Variants in PAG1 observed in about 807,000 individuals in gnomAD.
PAG1 encodes the protein phosphoprotein membrane anchor with glycosphingolipid microdomains 1, also known as phosphoprotein associated with glycosphingolipid-enriched microdomains 1.
PAG1 carries 23 observed loss-of-function variants against 31.7 expected under a neutral mutation model. That is an observed-to-expected ratio of 0.73 (90% CI 0.52 to 1.03). The LOEUF is 1.03. PAG1 is among the 50% of genes least tolerant of loss of function. The pLI is 0.00. For missense variants in PAG1, 473 were observed against 540.7 expected (o/e 0.87, Z 1.24); for synonymous variants, 214 against 210.3 (o/e 1.02, Z -0.15).
At chr8:81,067,794 C>T (rs1430137331) in intron 2 of PAG1, 1 of 152,220 alleles carries the variant, frequency 6.6e-6, no homozygotes, top group Non-Finnish European at 1.5e-5. Context: ...AAATGAATCC[C>T]ATTATTTTCC....
rs951632230 is a variant in PAG1, at chr8:81,059,835, G to A, written c.-175+10277C>T. 2.6e-5 allele frequency among the ~76,000 whole-genome samples: 4 copies of A among 152,036 alleles called. No homozygotes were observed. In the East Asian group the frequency reaches 5.8e-4, roughly 22 times the overall value. On this transcript the variant is annotated intron_variant, in intron 2 of 8. Transcript: ENST00000220597. ...GTTCGAGACCAGCCTGGCCAACATGGTGAAACCCCATCTCTACTAAAAATG... is the reference window on the plus strand; with the variant it reads ...GTTCGAGACCAGCCTGGCCAACATGATGAAACCCCATCTCTACTAAAAATG...
intron 3 of PAG1, among the ~76,000 whole-genome samples, chr8:81,021,624 C>T (rs1229131970): frequency 6.6e-6 from 1 of 150,692 alleles, no homozygotes; most frequent in Non-Finnish European, 1.5e-5. Context: ...AAATTAAGGG[C>T]AAAATCCTAC....
At chr8:81,038,623 C>T (rs1313208756) in intron 2 of PAG1, among the ~76,000 whole-genome samples, 1 of 152,040 alleles carries the variant, frequency 6.6e-6, no homozygotes, top group Non-Finnish European at 1.5e-5. Flanking sequence ...TTCCTTGCTC[C>T]TTCACACTCT....
chr8:81,043,091 T>C (rs1318638692), intron 2 of PAG1, among the ~76,000 whole-genome samples: 1 of 152,192 alleles, frequency 6.6e-6, no homozygotes, highest in Non-Finnish European at 1.5e-5. Context: ...CTTTTGCTTC[T>C]GAGTGTTTTG....
At chr8:81,069,380 C>T (rs76471228) in intron 2 of PAG1, among the ~76,000 whole-genome samples, 3,132 of 152,258 alleles carry the variant, frequency 0.021, 38 homozygotes, top group Non-Finnish European at 0.033. Context: ...ATGAGTCGGG[C>T]AGGCCATAAC....
At position 81,012,127 on chromosome 8, in the gene PAG1, A is replaced by G. The variant is rs534027967; in HGVS notation, c.-81+17869T>C. 8.5e-5 allele frequency among the ~76,000 whole-genome samples: 13 copies of G among 152,300 alleles called. 1 individual carries two copies. The highest frequency in any genetic ancestry group is 8.5e-4 in the Admixed American group (13 of 15,304). On this transcript the variant is annotated intron_variant, in intron 3 of 8. Transcript: ENST00000220597. ...TTGCAGAAAGCATCCATTTAATGTT[A>G]GTGGACTCATTATAGCCTGGGATCT... is the stretch of plus-strand genomic sequence containing the variant.
intron 5 of PAG1, 56 bp from the exon 6 acceptor site, chr8:80,987,522 T>C (rs1807450595): frequency 1.6e-6 from 2 of 1,218,704 alleles, no homozygotes; most frequent in Non-Finnish European, 2.4e-6. Context: ...GAATCTGGAC[T>C]GCAGAGCAGA....
chr8:81,049,117 A>C (rs566393110), intron 2 of PAG1, among the ~76,000 whole-genome samples: 44 of 152,342 alleles, frequency 2.9e-4, no homozygotes, highest in Non-Finnish European at 5.4e-4. Flanking sequence ...ACCTAATTAC[A>C]CATTGAGCAA....
rs537937052 is a variant in PAG1 at position 81,018,741 on chromosome 8, A to G, written c.-81+11255T>C. 3.3e-5 allele frequency among the ~76,000 whole-genome samples: 5 copies of G among 151,796 alleles called. No homozygotes were observed. The South Asian group carries it at 1.0e-3, about 32-fold the overall frequency. ...CCATGGGTAACTGTGATTCCATTAA[A>G]CCTCTTTCCCTTATAAATTACCCAG... On this transcript the variant is annotated intron_variant, in intron 3 of 8. Transcript: ENST00000220597.
rs1417018920 is a variant in PAG1 at position 80,990,762 on chromosome 8, A to T, written c.177+717T>A. 6.6e-6 allele frequency among the ~76,000 whole-genome samples: 1 copy of T among 152,090 alleles called. No individual in the cohort carries two copies. On this transcript the variant is annotated intron_variant, in intron 5 of 8. Transcript: ENST00000220597. This position sits in a 1 kb window ranked among gnomAD's most constrained non-coding sequence, Gnocchi z 5.1. ...TATACCTAGGGTGTTGTGGGTCCCA[A>T]GCTCCCTCCAGCTTAATGACCTGTT...
At chr8:81,075,431 T>A (rs4739782) in intron 1 of PAG1, among the ~76,000 whole-genome samples, 97,092 of 152,196 alleles carry the variant, frequency 0.64, 32,262 homozygotes, top group East Asian at 0.85. Context: ...ACCCAGACAC[T>A]ACCTCCTGTA....
At chr8:80,997,347 T>C (rs192021395) in intron 3 of PAG1, among the ~76,000 whole-genome samples, 4 of 152,314 alleles carry the variant, frequency 2.6e-5, no homozygotes, top group Admixed American at 6.5e-5. Context: ...CTGTGATTAC[T>C]GCAGCCTCGA....
chr8:81,087,174 G>C (rs1586211983), intron 1 of PAG1, among the ~76,000 whole-genome samples: 1 of 151,924 alleles, frequency 6.6e-6, no homozygotes, highest in South Asian at 2.1e-4. Context: ...GAAACCCCGT[G>C]TCTACTAAAA....
intron 2 of PAG1, among the ~76,000 whole-genome samples, chr8:81,034,914 A>G (rs1052819582): frequency 6.6e-6 from 1 of 152,166 alleles, no homozygotes; most frequent in African/African-American, 2.4e-5. Flanking sequence ...TGCTCACAAG[A>G]GCAGAGTAGA....
At chr8:80,976,978 A>G (rs1807198869) in intron 8 of PAG1, 72 bp from the exon 9 acceptor site, 6 of 1,420,796 alleles carry the variant, frequency 4.2e-6, no homozygotes, top group Non-Finnish European at 5.8e-6. Flanking sequence ...GTGACAAGCT[A>G]CATACTGAGC....
chr8:81,031,315 C>A (rs1170502418), intron 2 of PAG1, among the ~76,000 whole-genome samples: 1 of 152,182 alleles, frequency 6.6e-6, no homozygotes, highest in Non-Finnish European at 1.5e-5. Context: ...AAGCCGACTC[C>A]AGGTCTTTCT....
chr8:81,051,165 T>G (rs958304498), intron 2 of PAG1, among the ~76,000 whole-genome samples: 10 of 152,234 alleles, frequency 6.6e-5, no homozygotes, highest in Admixed American at 1.3e-4. Flanking sequence ...CTCTATCACA[T>G]GCCCAAGTTA....
chr8:81,052,121 C>G (rs1808743175), intron 2 of PAG1, among the ~76,000 whole-genome samples: 1 of 146,522 alleles, frequency 6.8e-6, no homozygotes, highest in Non-Finnish European at 1.5e-5. Flanking sequence ...CAGAGCGAGA[C>G]TCCATCTCAA....
rs1563419799 is a variant in PAG1 at position 81,072,097 on chromosome 8, G to GT, written c.-233-1928dup. Among the ~76,000 whole-genome samples, 15 of 152,340 alleles carry GT rather than the reference G, an allele frequency of 9.8e-5. No individual in the cohort carries two copies. In the South Asian group the frequency reaches 3.1e-3, roughly 32 times the overall value. Reference sequence around the variant, plus strand: ...TCACCAGCGTAGGTGAAGATGTGGCGTGGGGAGAGAGCTGGGTTATGCAGG... The same window carrying GT: ...TCACCAGCGTAGGTGAAGATGTGGCGTTGGGGAGAGAGCTGGGTTATGCAGG... On this transcript the variant is annotated intron_variant, in intron 1 of 8. Transcript: ENST00000220597.
Sources: gnomAD v4.1 joint callset for allele counts (sites outside exome capture counted in the v4.1 genomes callset) on GRCh38, gnomAD v4.1.1 for gene constraint, Gnocchi (gnomAD v3.1) non-coding constraint, MANE v1.5 for transcripts, NCBI Gene and HGNC (gene_info 2026-07-23, HGNC 2026-07-21) for gene names.